The following MGLL variants were observed in gnomAD, a reference collection of about 807,000 sequenced individuals.
MGLL encodes monoglyceride lipase.
In MGLL, 7 loss-of-function variants were observed where a neutral mutation model predicts 29.1. The observed-to-expected ratio is 0.24, with a 90% confidence interval of 0.14 to 0.45. MGLL has a LOEUF of 0.45. Ranked by LOEUF, MGLL falls within the 20% of genes least tolerant of loss-of-function variation. The probability of loss-of-function intolerance (pLI) is 0.99; values close to 1 mark genes in which losing one functional copy is unlikely to be tolerated. For missense variants in MGLL, 356 were observed against 413.6 expected (o/e 0.86, Z 1.21); for synonymous variants, 148 against 168.3 (o/e 0.88, Z 0.93).
intron 3 of MGLL, among the ~76,000 whole-genome samples, chr3:127,732,841 G>C (rs1398343685): frequency 6.6e-6 from 1 of 152,214 alleles, no homozygotes; most frequent in Non-Finnish European, 1.5e-5. Context: ...ATGTCTATGA[G>C]GCCACCGAGT....
rs1269301453 is a variant in MGLL at position 127,822,456 on chromosome 3, C to T, written c.-138G>A. ...GCCCTCTTCCCGCACCCAGACCCTG[C>T]CTTTCGGGCTGGGGCGCTCAGCCGG... On this transcript the variant is annotated 5_prime_UTR_variant, in exon 1 of 8. Transcript: ENST00000265052. 13 of 888,776 alleles carry T rather than the reference C, an allele frequency of 1.5e-5. No individual in the cohort carries two copies. The highest frequency in any genetic ancestry group is 2.0e-5 in the Non-Finnish European group (11 of 551,460). 55.1% of individuals were successfully genotyped at this position (888,776 alleles called of 1,614,324 possible). A position where few individuals can be genotyped will look rare whatever the true frequency, so the allele number is the denominator to read the frequency against.
At chr3:127,801,345 G>A (rs2077476753) in intron 2 of MGLL, among the ~76,000 whole-genome samples, 2 of 149,020 alleles carry the variant, frequency 1.3e-5, no homozygotes, top group African/African-American at 2.5e-5. Flanking sequence ...GGCCAGGCGC[G>A]GCGGCTCACG....
intron 4 of MGLL, among the ~76,000 whole-genome samples, chr3:127,722,208 C>T (rs1412429560): frequency 6.6e-6 from 1 of 152,196 alleles, no homozygotes; most frequent in Non-Finnish European, 1.5e-5. Context: ...ATCAGTTTTC[C>T]AAGAGGCCCC....
intron 5 of MGLL, among the ~76,000 whole-genome samples, chr3:127,720,794 G>T (rs923191884): frequency 4.6e-5 from 7 of 152,162 alleles, no homozygotes; most frequent in Admixed American, 6.5e-5. Flanking sequence ...GTCTAACCTC[G>T]TCTCCTTTTA....
intron 2 of MGLL, among the ~76,000 whole-genome samples, chr3:127,815,176 T>C (rs747397869): frequency 6.6e-6 from 1 of 152,210 alleles, no homozygotes; most frequent in Non-Finnish European, 1.5e-5. Context: ...ATGTAATCAG[T>C]TCGTTGGCCA....
intron 2 of MGLL, among the ~76,000 whole-genome samples, chr3:127,818,212 C>T (rs1378656049): frequency 6.6e-6 from 1 of 152,122 alleles, no homozygotes; most frequent in Non-Finnish European, 1.5e-5. Context: ...ATCCACCCGC[C>T]TCAGCCTCCC....
At chr3:127,753,994 G>C (rs2076608682) in intron 3 of MGLL, among the ~76,000 whole-genome samples, 1 of 152,204 alleles carries the variant, frequency 6.6e-6, no homozygotes, top group Non-Finnish European at 1.5e-5. Context: ...ACAGCTGTCA[G>C]CGCCCTGCAC....
intron 6 of MGLL, among the ~76,000 whole-genome samples, chr3:127,700,948 T>C (rs1247813448): frequency 6.6e-6 from 1 of 151,832 alleles, no homozygotes; most frequent in African/African-American, 2.4e-5. Context: ...GGCACGGTGG[T>C]GCATGCCTGT....
In MGLL at chr3:127,821,702, G is replaced by A. The variant is rs1208119263; in HGVS notation, c.147C>T (p.Gly49=). 6.2e-7 allele frequency: 1 copy of A among 1,614,136 alleles called. No homozygotes were observed. Among genetic ancestry groups the A allele is most frequent in the Non-Finnish European group, 8.5e-7 (1 of 1,180,006 alleles). ...TTCTGGGGAAGACTTACTTGGGTGTGCCTGTGGGTTTCCAGTACCTGCAGA... is the reference window on the plus strand; with the variant it reads ...TTCTGGGGAAGACTTACTTGGGTGTACCTGTGGGTTTCCAGTACCTGCAGA... ...YLFCRYWKPT[G]TPKALIFVSH... Residue 49 remains glycine, a synonymous_variant, in exon 2 of 8, where the codon GGC becomes GGT. Coordinates refer to ENST00000265052, the MANE Select transcript of MGLL (RefSeq NM_007283.7).
intron 3 of MGLL, among the ~76,000 whole-genome samples, chr3:127,764,134 C>T (rs1269732627): frequency 6.6e-6 from 1 of 152,202 alleles, no homozygotes; most frequent in Non-Finnish European, 1.5e-5. Flanking sequence ...CAGCTGTGTT[C>T]CCCTTTCCTC....
intron 5 of MGLL, among the ~76,000 whole-genome samples, chr3:127,718,529 G>A (rs2075859335): frequency 6.6e-6 from 1 of 152,184 alleles, no homozygotes; most frequent in South Asian, 2.1e-4. Context: ...GGGACCCTTG[G>A]TAGGTCCTGA....
chr3:127,819,288 A>G (rs1348485072), intron 2 of MGLL, among the ~76,000 whole-genome samples: 1 of 152,186 alleles, frequency 6.6e-6, no homozygotes, highest in Non-Finnish European at 1.5e-5. Context: ...GGCAGGCTCC[A>G]GGAGCTGGAG....
At chr3:127,750,766 T>C in intron 3 of MGLL, among the ~76,000 whole-genome samples, 1 of 152,130 alleles carries the variant, frequency 6.6e-6, no homozygotes. Flanking sequence ...TATTTTGTCA[T>C]GAGGGGAAAA....
At chr3:127,697,616 T>C (rs1334715051) in intron 6 of MGLL, among the ~76,000 whole-genome samples, 2 of 152,224 alleles carry the variant, frequency 1.3e-5, no homozygotes, top group African/African-American at 4.8e-5. Context: ...TGCAGCTAGG[T>C]GTGGTCACAT....
intron 7 of MGLL, among the ~76,000 whole-genome samples, chr3:127,694,583 A>G (rs989264964): frequency 1.3e-5 from 2 of 152,040 alleles, no homozygotes; most frequent in African/African-American, 4.8e-5. Flanking sequence ...TCTGGTGGCC[A>G]TGGCTCCCGA....
intron 2 of MGLL, among the ~76,000 whole-genome samples, chr3:127,801,127 C>T (rs1158660712): frequency 6.6e-6 from 1 of 151,432 alleles, no homozygotes; most frequent in African/African-American, 2.4e-5. Context: ...CATGGTGAAA[C>T]CCCATCTCTA....
chr3:127,788,753 A>G (rs2077256005), intron 2 of MGLL, among the ~76,000 whole-genome samples: 1 of 152,188 alleles, frequency 6.6e-6, no homozygotes, highest in Admixed American at 6.5e-5. Flanking sequence ...GCTCTTATCC[A>G]GAGTTCATCA....
intron 3 of MGLL, among the ~76,000 whole-genome samples, chr3:127,727,727 A>AAC (rs2107635356): frequency 6.6e-6 from 1 of 151,684 alleles, no homozygotes; most frequent in East Asian, 1.9e-4. Context: ...AAAAAAAAAA[A>AAC]AACAGAGCAA....
intron 3 of MGLL, among the ~76,000 whole-genome samples, chr3:127,729,378 A>G (rs764495661): frequency 3.5e-4 from 53 of 152,134 alleles, no homozygotes; most frequent in Non-Finnish European, 1.0e-4. Flanking sequence ...ACCATCATCC[A>G]TCTCTAGATA....
Sources: gnomAD v4.1 joint callset for allele counts (sites outside exome capture counted in the v4.1 genomes callset) on GRCh38, gnomAD v4.1.1 for gene constraint, MANE v1.5 for transcripts, NCBI Gene and HGNC (gene_info 2026-07-23, HGNC 2026-07-21) for gene names.